The following WNK1 variants were observed in gnomAD, a reference collection of about 807,000 sequenced individuals.
WNK1 encodes the protein WNK lysine deficient protein kinase 1.
Under a neutral mutation model 222.8 loss-of-function variants are expected in WNK1, and 38 were observed. The observed-to-expected ratio is 0.17, with a 90% CI of 0.13 to 0.22. The LOEUF (loss-of-function observed/expected upper bound fraction) is 0.22, where lower values mean the gene tolerates loss of function less well. WNK1 is among the 10% of genes least tolerant of loss of function. The pLI is 1.00. For missense variants in WNK1, 2,348 were observed against 2,918.4 expected, an observed-to-expected ratio of 0.80 and a Z score of 4.50; for synonymous variants, 1,090 against 1,092.9, an observed-to-expected ratio of 1.00 and a Z score of 0.05.
intron 8 of WNK1, among the ~76,000 whole-genome samples, chr12:862,532 A>C (rs1199099849): frequency 1.3e-5 from 2 of 152,242 alleles, no homozygotes; most frequent in East Asian, 3.8e-4. Flanking sequence ...TTAGCACTTA[A>C]GATGTTGAAA....
chr12:761,008 C>T (rs1193681570), intron 1 of WNK1, among the ~76,000 whole-genome samples: 2 of 144,152 alleles, frequency 1.4e-5, no homozygotes, highest in African/African-American at 5.0e-5. Flanking sequence ...TGGTCTCAAA[C>T]TCCTGACCTC....
At chr12:791,925 A>G (rs1318829187) in intron 1 of WNK1, among the ~76,000 whole-genome samples, 14 of 152,186 alleles carry the variant, frequency 9.2e-5, no homozygotes, top group Admixed American at 7.9e-4. Flanking sequence ...TCCAATAGGG[A>G]ATAGCAGCTT....
chr12:885,589 C>G lies in WNK1; in HGVS notation c.4785C>G (p.Pro1595=). The G allele has an allele frequency of 1.9e-6, 3 of 1,614,120 alleles. 1 individual carries two copies. The highest frequency in any genetic ancestry group is 1.7e-4 in the Middle Eastern group (1 of 6,060). The part of the protein sequence containing the change: ...AAGPTSTPLL[P]QVPSIPPLVQ... Reference sequence around the variant, plus strand: ...GACCTACTTCTACACCTTTATTACCCCAAGTACCTAGTATCCCACCCTTGG... The same window carrying G: ...GACCTACTTCTACACCTTTATTACCGCAAGTACCTAGTATCCCACCCTTGG... The change falls in exon 19 of 28, where the codon CCC becomes CCG. Residue 1595 remains proline (P), a synonymous_variant. Transcript: ENST00000315939.
chr12:778,737 A>G (rs1329001159), intron 1 of WNK1, among the ~76,000 whole-genome samples: 1 of 152,088 alleles, frequency 6.6e-6, no homozygotes, highest in Non-Finnish European at 1.5e-5. Context: ...ACTTATTAAA[A>G]TATAAAATGA....
At chr12:799,093 A>G (rs1422476680) in intron 1 of WNK1, among the ~76,000 whole-genome samples, 1 of 151,880 alleles carries the variant, frequency 6.6e-6, no homozygotes. Flanking sequence ...GGTTGACATT[A>G]TTTTGCAAGC....
At chr12:805,476 T>C (rs892236414) in intron 1 of WNK1, among the ~76,000 whole-genome samples, 1 of 152,236 alleles carries the variant, frequency 6.6e-6, no homozygotes, top group Non-Finnish European at 1.5e-5. Flanking sequence ...CTTAATGATC[T>C]TACACAGCTA....
intron 1 of WNK1, among the ~76,000 whole-genome samples, chr12:792,794 T>A (rs1356300068): frequency 6.6e-6 from 1 of 152,182 alleles, no homozygotes; most frequent in Non-Finnish European, 1.5e-5. Context: ...CAATTCTTCA[T>A]GCTTTTACAC....
chr12:901,179 G>A, intron 26 of WNK1: 1 of 235,238 alleles, frequency 4.3e-6, no homozygotes, highest in Non-Finnish European at 8.4e-6. Context: ...AGAGCTTTTA[G>A]TCATATTAGA....
intron 2 of WNK1, among the ~76,000 whole-genome samples, chr12:826,094 G>C (rs977159886): frequency 1.3e-5 from 2 of 152,148 alleles, no homozygotes; most frequent in African/African-American, 4.8e-5. Context: ...TTTGGTGCCT[G>C]CTTTCTGAGA....
intron 4 of WNK1, among the ~76,000 whole-genome samples, chr12:833,504 A>T (rs192982611): frequency 2.0e-5 from 3 of 152,196 alleles, no homozygotes; most frequent in Non-Finnish European, 4.4e-5. Flanking sequence ...TAAATGTTAT[A>T]TAATACTGTA....
intron 2 of WNK1, among the ~76,000 whole-genome samples, chr12:823,900 CT>C (rs10543848): frequency 0.026 from 2,638 of 101,226 alleles, 32 homozygotes; most frequent in African/African-American, 0.055. Context: ...TCAGAGACAT[CT>C]TTTTTTTTTT....
chr12:881,605 G>A, intron 12 of WNK1, 87 bp from the exon 13 acceptor site: 1 of 1,079,960 alleles, frequency 9.3e-7, no homozygotes, highest in Non-Finnish European at 1.4e-6. Flanking sequence ...AGTGGGGAGG[G>A]ATAAGGAAAA....
In WNK1 at chr12:885,408, G is replaced by A. The variant is rs776374890; in HGVS notation, c.4604G>A (p.Ser1535Asn). 3.1e-6 allele frequency: 5 copies of A among 1,609,166 alleles called. No individual in the cohort carries two copies. Among genetic ancestry groups the A allele is most frequent in the Non-Finnish European group, 4.2e-6 (5 of 1,177,680 alleles). ...SAHSLDKTSH[S>N]STTGLAFSLS... ...CACTCACTAGATAAGACATCTCATAGCAGTACAACTGGATTGGCTTTCTCC... is the reference window on the plus strand; with the variant it reads ...CACTCACTAGATAAGACATCTCATAACAGTACAACTGGATTGGCTTTCTCC... Residue 1535 changes from serine (S) to asparagine (N), a missense_variant, in exon 19 of 28, where the codon AGC becomes AAC. Ser to Asn is a conservative substitution (Grantham distance 46). Coordinates refer to ENST00000315939, the MANE Select transcript of WNK1 (RefSeq NM_018979.4).
At chr12:845,629 C>G (rs537014213) in intron 4 of WNK1, among the ~76,000 whole-genome samples, 1 of 152,328 alleles carries the variant, frequency 6.6e-6, no homozygotes, top group East Asian at 1.9e-4. Context: ...ATTTACTTCT[C>G]TGAGCCTAAA....
intron 1 of WNK1, among the ~76,000 whole-genome samples, chr12:782,343 C>T (rs1212845220): frequency 6.6e-6 from 1 of 152,102 alleles, no homozygotes; most frequent in Non-Finnish European, 1.5e-5. Flanking sequence ...ATTTAGTTCT[C>T]TCAATAACTA....
At chr12:886,467 A>G (rs922644321) in intron 19 of WNK1, among the ~76,000 whole-genome samples, 1 of 152,190 alleles carries the variant, frequency 6.6e-6, no homozygotes, top group African/African-American at 2.4e-5. Context: ...GAATGAAGCA[A>G]ATTTTTGGTT....
chr12:824,412 T>C (rs1195111738), intron 2 of WNK1, among the ~76,000 whole-genome samples: 5 of 152,140 alleles, frequency 3.3e-5, no homozygotes, highest in Non-Finnish European at 7.4e-5. Context: ...TTCCTTCTTG[T>C]CCTTATACTT....
chr12:793,065 C>T (rs769532568), intron 1 of WNK1, among the ~76,000 whole-genome samples: 20 of 152,130 alleles, frequency 1.3e-4, no homozygotes, highest in Non-Finnish European at 2.8e-4. Flanking sequence ...TATTAATAAA[C>T]AAGGCTAACA....
intron 10 of WNK1, 103 bp from the exon 11 acceptor site, chr12:879,470 C>CTTTTT: frequency 2.1e-5 from 14 of 658,308 alleles, no homozygotes; most frequent in South Asian, 9.7e-5. Context: ...TTGTTTTTTC[C>CTTTTT]TTCTTTTTGG....
Sources: gnomAD v4.1 joint callset for allele counts (sites outside exome capture counted in the v4.1 genomes callset) on GRCh38, gnomAD v4.1.1 for gene constraint, MANE v1.5 for transcripts, NCBI Gene and HGNC (gene_info 2026-07-23, HGNC 2026-07-21) for gene names.